The following GRIK3 variants were observed in gnomAD, a reference collection of about 807,000 sequenced individuals.
GRIK3 encodes glutamate ionotropic receptor kainate type subunit 3, also known as glutamate receptor ionotropic, kainate 3.
Under a neutral mutation model 102.5 loss-of-function variants are expected in GRIK3, and 29 were observed. The observed-to-expected ratio is 0.28, with a 90% CI of 0.21 to 0.39. GRIK3 has a LOEUF of 0.39. Ranked by LOEUF, GRIK3 falls within the 10% of genes least tolerant of loss-of-function variation. The pLI is 1.00. For missense variants in GRIK3, 908 were observed against 1,252.4 expected (o/e 0.73, Z 4.15); for synonymous variants, 511 against 504.9 (o/e 1.01, Z -0.16).
At chr1:36,929,243 C>T (rs1478967542) in intron 1 of GRIK3, among the ~76,000 whole-genome samples, 2 of 152,214 alleles carry the variant, frequency 1.3e-5, no homozygotes, top group Non-Finnish European at 1.5e-5. Context: ...ACTGTATCTC[C>T]ATCTTCGAAG....
At chr1:36,982,928 G>A (rs1006894589) in intron 1 of GRIK3, among the ~76,000 whole-genome samples, 1 of 152,182 alleles carries the variant, frequency 6.6e-6, no homozygotes, top group African/African-American at 2.4e-5. Context: ...CAGCTCCCCA[G>A]AACCCGATCA....
chr1:37,003,363 A>G (rs1487614749), intron 1 of GRIK3, among the ~76,000 whole-genome samples: 1 of 152,170 alleles, frequency 6.6e-6, no homozygotes, highest in African/African-American at 2.4e-5. Context: ...CAATGGCCCA[A>G]ATTATACTTT....
chr1:36,898,033 C>A (rs1641192469), intron 1 of GRIK3, among the ~76,000 whole-genome samples: 1 of 151,842 alleles, frequency 6.6e-6, no homozygotes, highest in South Asian at 2.1e-4. Flanking sequence ...GTGAAATAAG[C>A]CAGGCACAGA....
At chr1:37,030,556 C>CCCG (rs1642815853) in intron 1 of GRIK3, among the ~76,000 whole-genome samples, 1 of 140,586 alleles carries the variant, frequency 7.1e-6, no homozygotes, top group African/African-American at 2.7e-5. Context: ...CCTCCCCCCC[C>CCCG]CCAACACCTG....
At position 37,033,978 on chromosome 1, in the gene GRIK3, T is replaced by C; in HGVS notation, c.115+16A>G. The C allele has an allele frequency of 6.7e-7, 1 of 1,500,982 alleles. No homozygotes were observed. The highest frequency in any genetic ancestry group is 9.1e-7 in the Non-Finnish European group (1 of 1,095,622). The allele number at this position is 1,500,982 out of a possible 1,614,324, so 93.0% of individuals were successfully genotyped here. A position where few individuals can be genotyped will look rare whatever the true frequency, so the allele number is the denominator to read the frequency against. On this transcript the variant is annotated intron_variant, in intron 1 of 15. Transcript: ENST00000373091. Reference sequence around the variant, plus strand: ...TCCCGGGCGCACGGAGACCCCCGGCTCCAGGGAGCGCTTACCGATCCGGAT... The same window carrying C: ...TCCCGGGCGCACGGAGACCCCCGGCCCCAGGGAGCGCTTACCGATCCGGAT...
At chr1:36,843,366 G>A (rs1295631270) in intron 9 of GRIK3, among the ~76,000 whole-genome samples, 2 of 152,210 alleles carry the variant, frequency 1.3e-5, no homozygotes, top group African/African-American at 4.8e-5. Context: ...ACCAGGCACT[G>A]ATTTAAACTC....
chr1:36,888,238 G>A (rs1321755766), intron 2 of GRIK3, among the ~76,000 whole-genome samples: 3 of 152,256 alleles, frequency 2.0e-5, no homozygotes, highest in East Asian at 1.9e-4. Flanking sequence ...ATTCAACCAC[G>A]TAGACAATCT....
intron 1 of GRIK3, among the ~76,000 whole-genome samples, chr1:36,898,714 A>G (rs944348124): frequency 5.9e-5 from 9 of 152,292 alleles, no homozygotes; most frequent in African/African-American, 2.2e-4. Flanking sequence ...TAAAATTCAT[A>G]TGGAATTGCA....
At chr1:36,871,598 G>A (rs557253845) in intron 4 of GRIK3, among the ~76,000 whole-genome samples, 5 of 152,314 alleles carry the variant, frequency 3.3e-5, no homozygotes, top group East Asian at 1.9e-4. Flanking sequence ...CTTGGCTCTC[G>A]TCCCCAGCAG....
chr1:36,962,420 G>A (rs1642021506), intron 1 of GRIK3, among the ~76,000 whole-genome samples: 1 of 151,968 alleles, frequency 6.6e-6, no homozygotes, highest in Non-Finnish European at 1.5e-5. Context: ...CATGCCCCAG[G>A]GGTTAATCTC....
chr1:37,009,904 T>C (rs1326973293), intron 1 of GRIK3, among the ~76,000 whole-genome samples: 4 of 149,292 alleles, frequency 2.7e-5, no homozygotes, highest in South Asian at 2.2e-4. Context: ...GGGGGGAGCT[T>C]GGAGGGGGTG....
chr1:36,871,227 G>A (rs1247645818), intron 4 of GRIK3, among the ~76,000 whole-genome samples: 1 of 152,172 alleles, frequency 6.6e-6, no homozygotes, highest in Non-Finnish European at 1.5e-5. Context: ...CCTCAAATGA[G>A]CCTTTTAAGT....
chr1:36,854,173 C>G (rs566700402), intron 7 of GRIK3, among the ~76,000 whole-genome samples: 1 of 152,188 alleles, frequency 6.6e-6, no homozygotes, highest in Non-Finnish European at 1.5e-5. Context: ...AAATCACCCC[C>G]CAACCTCCCA....
At chr1:36,978,817 C>T (rs565875260) in intron 1 of GRIK3, among the ~76,000 whole-genome samples, 9 of 152,314 alleles carry the variant, frequency 5.9e-5, no homozygotes, top group East Asian at 1.9e-4. Flanking sequence ...AGAACTGGCA[C>T]GATGTCCCTC....
chr1:36,909,946 C>T (rs953529856), intron 1 of GRIK3, among the ~76,000 whole-genome samples: 2 of 152,184 alleles, frequency 1.3e-5, no homozygotes, highest in Non-Finnish European at 2.9e-5. Context: ...TCCTCTGCCT[C>T]CCAGGTGAGG....
intron 10 of GRIK3, among the ~76,000 whole-genome samples, chr1:36,832,614 C>A (rs1325928): frequency 0.14 from 21,795 of 152,216 alleles, 1,625 homozygotes; most frequent in African/African-American, 0.15. Context: ...CTGACAGCAG[C>A]CTCACTGCCT....
At chr1:36,985,834 G>A (rs1297728646) in intron 1 of GRIK3, among the ~76,000 whole-genome samples, 1 of 152,138 alleles carries the variant, frequency 6.6e-6, no homozygotes, top group Admixed American at 6.5e-5. Flanking sequence ...TCTCCCTGCT[G>A]TGCACATCAC....
chr1:36,872,206 C>T lies in GRIK3; in HGVS notation c.714G>A (p.Ala238=), dbSNP rs755346757. The change falls in exon 4 of 16, where the codon GCG becomes GCA. Residue 238 remains alanine (A), a synonymous_variant. Coordinates refer to ENST00000373091, the MANE Select transcript of GRIK3 (RefSeq NM_000831.4). This position sits in a 1 kb window ranked among gnomAD's most constrained non-coding sequence, Gnocchi z 5.9. ...RIIFDCSHTM[A]AQILKQAMAM... ...CACGCACCTGCTTGAGGATCTGGGC[C>T]GCCATAGTGTGGCTGCAGTCGAAGA... 8.1e-6 allele frequency: 13 copies of T among 1,600,722 alleles called. No individual in the cohort carries two copies. The highest frequency in any genetic ancestry group is 4.5e-5 in the South Asian group (4 of 88,920).
intron 2 of GRIK3, among the ~76,000 whole-genome samples, chr1:36,884,707 T>C (rs1477234757): frequency 6.6e-6 from 1 of 152,222 alleles, no homozygotes; most frequent in African/African-American, 2.4e-5. Flanking sequence ...CACTATATTA[T>C]CTGTCTATTC....
Sources: gnomAD v4.1 joint callset for allele counts (sites outside exome capture counted in the v4.1 genomes callset) on GRCh38, gnomAD v4.1.1 for gene constraint, Gnocchi (gnomAD v3.1) non-coding constraint, MANE v1.5 for transcripts, NCBI Gene and HGNC (gene_info 2026-07-23, HGNC 2026-07-21) for gene names.